The following GPC5 variants were observed in gnomAD, a reference collection of about 807,000 sequenced individuals.
The protein encoded by GPC5 is glypican-5.
GPC5 carries 47 observed loss-of-function variants against 53.9 expected under a neutral mutation model. That is an observed-to-expected ratio of 0.87 (90% CI 0.69 to 1.11). GPC5 has a LOEUF of 1.11. Among genes scored for constraint, GPC5 ranks in the 50% most tolerant of loss-of-function variants. GPC5 has a pLI of 0.00. For synonymous variants in GPC5, 286 were observed against 263.3 expected (o/e 1.09, Z -0.84); for missense variants, 748 against 713.1 (o/e 1.05, Z -0.56).
chr13:91,749,362 C>A (rs1253967987), intron 4 of GPC5, among the ~76,000 whole-genome samples: 2 of 152,220 alleles, frequency 1.3e-5, no homozygotes, highest in Non-Finnish European at 2.9e-5. Flanking sequence ...TGATTTGATT[C>A]ATTTTTATGG....
intron 7 of GPC5, among the ~76,000 whole-genome samples, chr13:92,266,141 A>C (rs2042801065): frequency 6.6e-6 from 1 of 152,130 alleles, no homozygotes; most frequent in South Asian, 2.1e-4. Context: ...TTTCCAGTGC[A>C]TATTTTTTAG....
chr13:91,651,022 C>T (rs2034695529), intron 2 of GPC5, among the ~76,000 whole-genome samples: 1 of 151,982 alleles, frequency 6.6e-6, no homozygotes, highest in Admixed American at 6.6e-5. Flanking sequence ...GCTGGGTTCT[C>T]AGTAGTGATT....
intron 5 of GPC5, among the ~76,000 whole-genome samples, chr13:91,837,504 A>G (rs2038734759): frequency 1.3e-5 from 2 of 152,124 alleles, no homozygotes; most frequent in African/African-American, 4.8e-5. Context: ...CCACAGGGGA[A>G]ACATTAAATT....
At chr13:92,127,329 G>GTA (rs148856447) in intron 6 of GPC5, among the ~76,000 whole-genome samples, 2,381 of 149,632 alleles carry the variant, frequency 0.016, 29 homozygotes, top group African/African-American at 0.025. Context: ...ATGTGTATGT[G>GTA]TATATATATA....
chr13:92,198,955 A>T (rs375593125), intron 7 of GPC5, among the ~76,000 whole-genome samples: 1 of 152,232 alleles, frequency 6.6e-6, no homozygotes, highest in South Asian at 2.1e-4. Context: ...ATTTTTCATA[A>T]GCAATATTGA....
At chr13:91,937,830 C>A (rs756554465) in intron 6 of GPC5, among the ~76,000 whole-genome samples, 4 of 151,938 alleles carry the variant, frequency 2.6e-5, no homozygotes, top group Non-Finnish European at 5.9e-5. Context: ...ATTTTATTAT[C>A]TAGAGAGGCG....
At chr13:91,872,042 A>C (rs1267357630) in intron 5 of GPC5, among the ~76,000 whole-genome samples, 2 of 152,198 alleles carry the variant, frequency 1.3e-5, no homozygotes, top group African/African-American at 4.8e-5. Flanking sequence ...AAAATACCAA[A>C]GCAGAGAGAC....
rs536760493 is a variant in GPC5, at chr13:91,933,928, A to T, written c.1401+25871A>T. Among the ~76,000 whole-genome samples, 4 of 151,914 alleles carry T rather than the reference A, an allele frequency of 2.6e-5. No homozygotes were observed. In the South Asian group the frequency reaches 6.2e-4, roughly 24 times the overall value. ...GTAGTGTTTTATTTGCTTGTATATG[A>T]TGCATCATAGTTTGTCTTCATTAAA... is the stretch of plus-strand genomic sequence containing the variant. On this transcript the variant is annotated intron_variant, in intron 6 of 7. Transcript: ENST00000377067.
chr13:91,853,719 CTTAT>C (rs1461384665), intron 5 of GPC5, among the ~76,000 whole-genome samples: 4 of 151,780 alleles, frequency 2.6e-5, no homozygotes, highest in Non-Finnish European at 5.9e-5. Context: ...TCTTTGAATC[CTTAT>C]TTAAAGTGTC....
At chr13:91,788,317 C>T (rs538923963) in intron 5 of GPC5, among the ~76,000 whole-genome samples, 1 of 152,114 alleles carries the variant, frequency 6.6e-6, no homozygotes, top group Non-Finnish European at 1.5e-5. Context: ...CATAAGGGAC[C>T]CACTCTCATG....
At chr13:91,431,464 G>A (rs1879444153) in intron 1 of GPC5, among the ~76,000 whole-genome samples, 1 of 152,188 alleles carries the variant, frequency 6.6e-6, no homozygotes, top group African/African-American at 2.4e-5. Flanking sequence ...AACAGAAAAT[G>A]TAGAGAGCTC....
rs1400180146 is a variant in GPC5, at chr13:91,403,318, C to T, written c.163+4109C>T. Among the ~76,000 whole-genome samples, 4 of 152,164 alleles carry T rather than the reference C, an allele frequency of 2.6e-5. No homozygotes were observed. In the East Asian group the frequency reaches 7.7e-4, roughly 29 times the overall value. ...CAAGGGAGATTGCACACCAAAGGGA[C>T]TCTGGAGAGTTTGGTAGTAGGTAGT... On this transcript the variant is annotated intron_variant, in intron 1 of 7. Coordinates refer to ENST00000377067, the MANE Select transcript of GPC5 (RefSeq NM_004466.6).
At chr13:91,798,714 T>C (rs1203227200) in intron 5 of GPC5, among the ~76,000 whole-genome samples, 1 of 152,170 alleles carries the variant, frequency 6.6e-6, no homozygotes, top group East Asian at 1.9e-4. Flanking sequence ...AATGATTATA[T>C]ACCCAAAGAG....
At chr13:91,543,283 G>T (rs541575286) in intron 2 of GPC5, among the ~76,000 whole-genome samples, 20 of 152,142 alleles carry the variant, frequency 1.3e-4, no homozygotes, top group African/African-American at 4.3e-4. Context: ...GTGAGCCACC[G>T]CTCCGGCCCC....
intron 7 of GPC5, among the ~76,000 whole-genome samples, chr13:92,271,465 A>G (rs1043577841): frequency 2.0e-5 from 3 of 152,216 alleles, no homozygotes; most frequent in Admixed American, 6.5e-5. Context: ...AACTTATTAT[A>G]TATTTCCAGG....
chr13:91,849,807 G>T (rs1345625208), intron 5 of GPC5, among the ~76,000 whole-genome samples: 1 of 152,078 alleles, frequency 6.6e-6, no homozygotes, highest in African/African-American at 2.4e-5. Flanking sequence ...GAAAAGAGTG[G>T]TCATTTTTAT....
At chr13:91,461,729 T>C (rs572144346) in intron 2 of GPC5, among the ~76,000 whole-genome samples, 43 of 152,198 alleles carry the variant, frequency 2.8e-4, no homozygotes, top group African/African-American at 1.0e-3. Flanking sequence ...AGTTGTCTGA[T>C]AGCTTTTCTT....
chr13:91,754,272 A>G (rs573852462), intron 4 of GPC5, among the ~76,000 whole-genome samples: 2 of 152,252 alleles, frequency 1.3e-5, no homozygotes, highest in East Asian at 1.9e-4. Context: ...TCAAATTTGA[A>G]TTTTAGAAAG....
intron 7 of GPC5, among the ~76,000 whole-genome samples, chr13:92,832,287 C>A (rs1241159731): frequency 6.6e-6 from 1 of 152,116 alleles, no homozygotes; most frequent in South Asian, 2.1e-4. Context: ...CATTTGTCTG[C>A]CTGAATTTCT....
Sources: allele counts gnomAD v4.1 joint callset (sites outside exome capture counted in the v4.1 genomes callset), GRCh38; gene constraint gnomAD v4.1.1; transcripts MANE v1.5; gene names NCBI Gene and HGNC (gene_info 2026-07-23, HGNC 2026-07-21).